Variants in NUDT3 observed in about 807,000 individuals in gnomAD.
NUDT3 encodes diphosphoinositol polyphosphate phosphohydrolase 1.
In NUDT3, 9 loss-of-function variants were observed where a neutral mutation model predicts 23.6. That is an observed-to-expected ratio of 0.38 (90% CI 0.23 to 0.66). NUDT3 has a LOEUF of 0.66. Among genes scored for constraint, NUDT3 ranks in the 30% least tolerant of loss-of-function variants. The probability of loss-of-function intolerance (pLI) is 0.52; values close to 1 mark genes in which losing one functional copy is unlikely to be tolerated. For missense variants in NUDT3, 172 were observed against 218.5 expected (o/e 0.79, Z 1.34); for synonymous variants, 86 against 82.6 (o/e 1.04, Z -0.22).
At chr6:34,320,141 T>C (rs1763918546) in intron 2 of NUDT3, among the ~76,000 whole-genome samples, 1 of 152,190 alleles carries the variant, frequency 6.6e-6, no homozygotes, top group African/African-American at 2.4e-5. Flanking sequence ...GGGCTGTTAA[T>C]AGGCGAAAAC....
At chr6:34,332,135 G>A (rs1764137864) in intron 2 of NUDT3, among the ~76,000 whole-genome samples, 1 of 152,006 alleles carries the variant, frequency 6.6e-6, no homozygotes, top group African/African-American at 2.4e-5. Flanking sequence ...ACCATGTCCG[G>A]TGGGTATATA....
At chr6:34,358,258 T>TACACACACACACACAC (rs71538235) in intron 1 of NUDT3, among the ~76,000 whole-genome samples, 29 of 144,602 alleles carry the variant, frequency 2.0e-4, no homozygotes, top group African/African-American at 6.1e-4. Context: ...ATGAGTAGTT[T>TACACACACACACACAC]ACACACACAC....
chr6:34,382,072 CAAAAAAAAAAAAA>C (rs957166787), intron 1 of NUDT3, among the ~76,000 whole-genome samples: 2 of 34,964 alleles, frequency 5.7e-5, no homozygotes, highest in South Asian at 2.0e-3. Context: ...GACTCTATCT[CAAAAAAAAAAAAA>C]AAAAAAAAAA....
intron 2 of NUDT3, among the ~76,000 whole-genome samples, chr6:34,316,551 G>T (rs1763861053): frequency 6.6e-6 from 1 of 152,162 alleles, no homozygotes; most frequent in East Asian, 1.9e-4. Flanking sequence ...TCTGTTATTT[G>T]AAACTTAATT....
chr6:34,351,226 A>AAAAAC (rs1554154786), intron 1 of NUDT3, among the ~76,000 whole-genome samples: 1 of 133,976 alleles, frequency 7.5e-6, no homozygotes, highest in African/African-American at 3.1e-5. Flanking sequence ...AAAAAAAAAA[A>AAAAAC]CACTTTGGGA....
chr6:34,382,418 A>G (rs1029115698), intron 1 of NUDT3, among the ~76,000 whole-genome samples: 1 of 152,046 alleles, frequency 6.6e-6, no homozygotes, highest in African/African-American at 2.4e-5. Context: ...ACAAACAAAC[A>G]AATTTCAAAG....
At chr6:34,306,834 G>C (rs920211114) in intron 2 of NUDT3, among the ~76,000 whole-genome samples, 1 of 152,190 alleles carries the variant, frequency 6.6e-6, no homozygotes, top group African/African-American at 2.4e-5. Context: ...TGGTTAAAAA[G>C]TAATTTAGAG....
intron 1 of NUDT3, 44 bp from the exon 2 acceptor site, chr6:34,342,016 G>A: frequency 6.4e-7 from 1 of 1,560,672 alleles, no homozygotes; most frequent in South Asian, 1.1e-5. Context: ...AAAATTCAAA[G>A]ACACATCCAC....
At position 34,309,292 on chromosome 6, in the gene NUDT3, C is replaced by T. The variant is rs143611020; in HGVS notation, c.211-13607G>A. 1.2e-3 allele frequency among the ~76,000 whole-genome samples: 185 copies of T among 152,196 alleles called. 1 individual carries two copies. In the East Asian group the frequency reaches 0.013, roughly 11 times the overall value. On this transcript the variant is annotated intron_variant, in intron 2 of 4. Coordinates refer to ENST00000607016, the MANE Select transcript of NUDT3 (RefSeq NM_006703.4). ...CCTCTAATATTTGGAGATTAAACAA[C>T]ACACTTCTAAATAACATATGAATTA...
chr6:34,384,622 T>C (rs541800906), intron 1 of NUDT3, among the ~76,000 whole-genome samples: 114 of 152,322 alleles, frequency 7.5e-4, no homozygotes, highest in Non-Finnish European at 1.1e-3. Context: ...AGTTGAATAA[T>C]ATGACAGATG....
In NUDT3 at chr6:34,288,911, T is replaced by G; in HGVS notation, c.361A>C (p.Lys121Gln). 6.2e-7 allele frequency: 1 copy of G among 1,611,936 alleles called. No individual in the cohort carries two copies. Among genetic ancestry groups the G allele is most frequent in the Non-Finnish European group, 8.5e-7 (1 of 1,179,262 alleles). ...VNIGRKREWF[K>Q]IEDAIKVLQY... is the part of the protein sequence containing the mutation. ...AGCACTTTTATGGCGTCTTCTATTT[T>G]AAACCATTCCCTCTTCCTTCCTGTG... is the stretch of plus-strand genomic sequence containing the variant. Residue 121 changes from lysine to glutamine, a missense_variant, in exon 5 of 5, where the codon AAA (lysine) becomes CAA (glutamine). By Grantham distance (53) the Lys-to-Gln change is moderately conservative. Around this residue, in one of 3 missense-constraint regions of NUDT3, gnomAD observed 63 missense variants for 64.9 expected, o/e 0.97. Transcript: ENST00000607016.
At chr6:34,345,460 G>A (rs1314664754) in intron 1 of NUDT3, among the ~76,000 whole-genome samples, 1 of 150,632 alleles carries the variant, frequency 6.6e-6, no homozygotes, top group Non-Finnish European at 1.5e-5. Flanking sequence ...TCAGGAGATC[G>A]AGACCATCCT....
At chr6:34,382,456 T>C (rs1461407129) in intron 1 of NUDT3, among the ~76,000 whole-genome samples, 1 of 152,022 alleles carries the variant, frequency 6.6e-6, no homozygotes, top group East Asian at 1.9e-4. Context: ...TTCTCTTTTT[T>C]TGTTTGTTTT....
chr6:34,298,065 A>T (rs1440350428), intron 2 of NUDT3, among the ~76,000 whole-genome samples: 1 of 151,828 alleles, frequency 6.6e-6, no homozygotes. Context: ...AATATAATTA[A>T]TTTAAAACTT....
At chr6:34,372,179 T>C (rs1193035809) in intron 1 of NUDT3, among the ~76,000 whole-genome samples, 2 of 152,190 alleles carry the variant, frequency 1.3e-5, no homozygotes, top group African/African-American at 4.8e-5. Flanking sequence ...GTCTTTGCTA[T>C]TGTGAATAGT....
chr6:34,349,342 C>G (rs1267081250), intron 1 of NUDT3, among the ~76,000 whole-genome samples: 1 of 150,708 alleles, frequency 6.6e-6, no homozygotes, highest in Admixed American at 6.6e-5. Context: ...GACCAAGTGA[C>G]TGACAGGACG....
At chr6:34,305,747 C>T (rs1359176384) in intron 2 of NUDT3, among the ~76,000 whole-genome samples, 1 of 152,174 alleles carries the variant, frequency 6.6e-6, no homozygotes, top group Non-Finnish European at 1.5e-5. Flanking sequence ...GCTCTATTTG[C>T]TTATTTCTAT....
chr6:34,297,746 T>C (rs1453478250), intron 2 of NUDT3, among the ~76,000 whole-genome samples: 1 of 109,188 alleles, frequency 9.2e-6, no homozygotes, highest in African/African-American at 4.1e-5. Context: ...TATATATATA[T>C]ATATATATAT....
intron 2 of NUDT3, among the ~76,000 whole-genome samples, chr6:34,298,986 C>T (rs550067705): frequency 7.4e-4 from 112 of 152,320 alleles, no homozygotes; most frequent in African/African-American, 2.5e-3. Context: ...AAATTTCTCA[C>T]AGGCAAAGGT....
Sources: gnomAD v4.1 joint callset for allele counts (sites outside exome capture counted in the v4.1 genomes callset) on GRCh38, gnomAD v4.1.1 for gene constraint, gnomAD v4.1.1 regional missense constraint, MANE v1.5 for transcripts, NCBI Gene and HGNC (gene_info 2026-07-23, HGNC 2026-07-21) for gene names.